C18orf54: variants seen among roughly 807,000 people sequenced by gnomAD.
C18orf54 encodes chromosome 18 open reading frame 54.
Under a neutral mutation model 49.3 loss-of-function variants are expected in C18orf54, and 49 were observed. The ratio of observed to expected loss-of-function variants is 0.99; its 90% CI spans 0.79 to 1.26. The LOEUF is 1.26. C18orf54 is among the 50% of genes most tolerant of loss of function. The pLI, the probability that C18orf54 is intolerant of heterozygous loss-of-function variation, is 0.00. For synonymous variants in C18orf54, 211 were observed against 216.6 expected, an observed-to-expected ratio of 0.97 and a Z score of 0.23; for missense variants, 687 against 620.6, an observed-to-expected ratio of 1.11 and a Z score of -1.14.
chr18:54,377,656 T>C (rs989294577), intron 8 of C18orf54, among the ~76,000 whole-genome samples: 1 of 152,090 alleles, frequency 6.6e-6, no homozygotes, highest in Non-Finnish European at 1.5e-5. Flanking sequence ...CTTATTGGAG[T>C]AGTTGGCAGC....
rs967823015 is a variant in C18orf54, at chr18:54,379,965, A to C, written c.*1719A>C. On this transcript the variant is annotated 3_prime_UTR_variant, in exon 9 of 9. Coordinates refer to ENST00000620105, the MANE Select transcript of C18orf54 (RefSeq NM_001288980.2). ...TACTAAATGAGATAAGCCTGTTCTA[A>C]AATCTTATAGCCAGTATTTTAAGAA... 1 of 152,138 alleles carries C rather than the reference A, an allele frequency of 6.6e-6. No homozygotes were observed. The highest frequency in any genetic ancestry group is 1.5e-5 in the Non-Finnish European group (1 of 67,950). 9.4% of individuals were successfully genotyped at this position (152,138 alleles called of 1,614,324 possible).
chr18:54,362,978 A>C (rs2089302964), intron 5 of C18orf54, 57 bp downstream of exon 5: 2 of 1,476,064 alleles, frequency 1.4e-6, no homozygotes, highest in Admixed American at 2.2e-5. Context: ...ATGTCATGCG[A>C]ATATCTGATT....
intron 8 of C18orf54, among the ~76,000 whole-genome samples, chr18:54,375,805 A>T (rs2144754636): frequency 6.6e-6 from 1 of 152,184 alleles, no homozygotes; most frequent in African/African-American, 2.4e-5. Context: ...TTTAGTTATT[A>T]ATTCTGTTGT....
At chr18:54,362,706 G>T in intron 4 of C18orf54, 65 bp from the exon 5 acceptor site, 1 of 1,385,344 alleles carries the variant, frequency 7.2e-7, no homozygotes. Context: ...TTGACTTTGT[G>T]AGATTTTGCT....
rs1023776740 is a variant in C18orf54 at position 54,366,287 on chromosome 18, C to T, written c.1326+466C>T. ...CCAATCTCTCCTTATTCCTTACCTCCCTCCTACCTTTCCCAGTCTCCGGTA... is the reference window on the plus strand; with the variant it reads ...CCAATCTCTCCTTATTCCTTACCTCTCTCCTACCTTTCCCAGTCTCCGGTA... On this transcript the variant is annotated intron_variant, in intron 6 of 8. Coordinates refer to ENST00000620105, the MANE Select transcript of C18orf54 (RefSeq NM_001288980.2). Among the ~76,000 whole-genome samples the T allele has an allele frequency of 4.0e-4, 60 of 151,840 alleles. 1 individual carries two copies. The highest frequency in any genetic ancestry group is 4.4e-5 in the Non-Finnish European group (3 of 67,808).
rs564659008 is a variant in C18orf54, at chr18:54,379,899, C to G, written c.*1653C>G. Reference sequence around the variant, plus strand: ...CCTGGAAATTATGACTGAAAAGCACCTATTCGGTTAGTGCTCCTATTCATG... The same window carrying G: ...CCTGGAAATTATGACTGAAAAGCACGTATTCGGTTAGTGCTCCTATTCATG... On this transcript the variant is annotated 3_prime_UTR_variant, in exon 9 of 9. Transcript: ENST00000620105. 3 of 152,028 alleles carry G rather than the reference C, an allele frequency of 2.0e-5. No homozygotes were observed. The East Asian group carries it at 5.8e-4, about 29-fold the overall frequency. 9.4% of individuals were successfully genotyped at this position (152,028 alleles called of 1,614,324 possible).
At chr18:54,361,457 C>T (rs1042713858) in intron 3 of C18orf54, among the ~76,000 whole-genome samples, 186 bp from the exon 4 acceptor site, 4 of 152,052 alleles carry the variant, frequency 2.6e-5, no homozygotes, top group Non-Finnish European at 4.4e-5. Context: ...TAACACAGAA[C>T]GAAGAATCGT....
Position 54,360,729 on chromosome 18 carries a change from C to T in C18orf54, c.157C>T (p.Gln53Ter). The change falls in exon 3 of 9, where the codon CAG (glutamine) becomes TAG (stop). Residue 53 changes from glutamine (Q) to a stop codon, truncating the protein, a stop_gained. Coordinates refer to ENST00000620105, the MANE Select transcript of C18orf54 (RefSeq NM_001288980.2). LOFTEE classifies it high-confidence loss of function. Reference protein sequence around the residue: ...KLYRSASQALQAYIDDFDLGQ... With the variant: ...KLYRSASQAL ...GTACAGATCTGCTTCTCAAGCTCTACAGGCTTATATTGATGATTTTGATCT... is the reference window on the plus strand; with the variant it reads ...GTACAGATCTGCTTCTCAAGCTCTATAGGCTTATATTGATGATTTTGATCT... The T allele has an allele frequency of 6.2e-7, 1 of 1,614,044 alleles. No homozygotes were observed.
intron 6 of C18orf54, among the ~76,000 whole-genome samples, chr18:54,371,362 G>A (rs1960771072): frequency 6.6e-6 from 1 of 152,072 alleles, no homozygotes; most frequent in African/African-American, 2.4e-5. Context: ...TTGTATGTAT[G>A]TACCACATTT....
intron 4 of C18orf54, 120 bp from the exon 5 acceptor site, chr18:54,362,651 T>C: frequency 1.0e-6 from 1 of 961,736 alleles, no homozygotes. Context: ...TTAACATAAT[T>C]TGCTGTTATA....
chr18:54,369,619 C>T (rs1486976765), intron 6 of C18orf54, among the ~76,000 whole-genome samples: 1 of 151,950 alleles, frequency 6.6e-6, no homozygotes, highest in Non-Finnish European at 1.5e-5. Context: ...CAGGCACCCA[C>T]CACTACACCC....
At position 54,378,201 on chromosome 18, in the gene C18orf54, AGACCTGGTT is replaced by A; in HGVS notation, c.1560_1568del (p.Leu521_Asp523del). The A allele has an allele frequency of 6.2e-7, 1 of 1,613,532 alleles. No homozygotes were observed. Among genetic ancestry groups the A allele is most frequent in the Non-Finnish European group, 8.5e-7 (1 of 1,179,688 alleles). On this transcript the variant is annotated inframe_deletion, in exon 9 of 9. Transcript: ENST00000620105. ...CTTTGCACCATTTATCTCGCCTGAGAGACCTGGTTGATGATACGAATGGAGAACGGTCAC... is the reference window on the plus strand; with the variant it reads ...CTTTGCACCATTTATCTCGCCTGAGAGATGATACGAATGGAGAACGGTCAC...
chr18:54,380,166 A>G lies in C18orf54; in HGVS notation c.*1920A>G, dbSNP rs1329830555. On this transcript the variant is annotated 3_prime_UTR_variant, in exon 9 of 9. Coordinates refer to ENST00000620105, the MANE Select transcript of C18orf54 (RefSeq NM_001288980.2). ...AAAATAACGAATCTAAGTGATAAACATTCAAGAAATTCTCTAAATAAGAGA... is the reference window on the plus strand; with the variant it reads ...AAAATAACGAATCTAAGTGATAAACGTTCAAGAAATTCTCTAAATAAGAGA... The G allele has an allele frequency of 6.6e-6, 1 of 152,092 alleles. No homozygotes were observed. Among genetic ancestry groups the G allele is most frequent in the Non-Finnish European group, 1.5e-5 (1 of 67,926 alleles). The allele number at this position is 152,092 out of a possible 1,614,324, so 9.4% of individuals were successfully genotyped here. A position where few individuals can be genotyped will look rare whatever the true frequency, so the allele number is the denominator to read the frequency against.
At chr18:54,367,955 G>T (rs1190053954) in intron 6 of C18orf54, among the ~76,000 whole-genome samples, 2 of 151,848 alleles carry the variant, frequency 1.3e-5, no homozygotes, top group Non-Finnish European at 2.9e-5. Flanking sequence ...TTGTCTATTT[G>T]ATGAAGTCTA....
chr18:54,376,592 C>T (rs1033222544), intron 8 of C18orf54, among the ~76,000 whole-genome samples: 23 of 152,320 alleles, frequency 1.5e-4, no homozygotes, highest in African/African-American at 4.3e-4. Context: ...CCTCGGCCTC[C>T]CAAAGTGCTG....
intron 4 of C18orf54, 148 bp from the exon 5 acceptor site, chr18:54,362,623 T>G: frequency 5.5e-6 from 5 of 905,438 alleles, no homozygotes; most frequent in African/African-American, 1.7e-5. Context: ...TTTTTTTCTT[T>G]GCTTGAAATG....
At position 54,374,195 on chromosome 18, in the gene C18orf54, T is replaced by G. The variant is rs1330447578; in HGVS notation, c.1459-19T>G. ...ATATAATTTTAATATTTTGTTATAT[T>G]TGGTGTTTTTAATAATAGGTTTCAG... On this transcript the variant is annotated intron_variant, in intron 7 of 8. Coordinates refer to ENST00000620105, the MANE Select transcript of C18orf54 (RefSeq NM_001288980.2). The G allele has an allele frequency of 6.6e-7, 1 of 1,520,074 alleles. No homozygotes were observed. Among genetic ancestry groups the G allele is most frequent in the Non-Finnish European group, 8.9e-7 (1 of 1,122,066 alleles). 94.2% of individuals were successfully genotyped at this position (1,520,074 alleles called of 1,614,324 possible). A position where few individuals can be genotyped will look rare whatever the true frequency, so the allele number is the denominator to read the frequency against.
intron 8 of C18orf54, among the ~76,000 whole-genome samples, chr18:54,377,096 C>T (rs1266592160): frequency 1.3e-5 from 2 of 151,796 alleles, no homozygotes; most frequent in African/African-American, 2.4e-5. Flanking sequence ...AGTGCAGTGG[C>T]GCGATCATGG....
At chr18:54,364,762 C>T (rs1001118343) in intron 5 of C18orf54, among the ~76,000 whole-genome samples, 1 of 151,726 alleles carries the variant, frequency 6.6e-6, no homozygotes, top group African/African-American at 2.4e-5. Flanking sequence ...AAAGTGTTAG[C>T]AAAGAATAGG....
Sources: gnomAD v4.1 joint callset for allele counts (sites outside exome capture counted in the v4.1 genomes callset) on GRCh38, gnomAD v4.1.1 for gene constraint, MANE v1.5 for transcripts, NCBI Gene and HGNC (gene_info 2026-07-23, HGNC 2026-07-21) for gene names.